PRDM16: variants seen among roughly 807,000 people sequenced by gnomAD.
PRDM16 encodes histone-lysine N-methyltransferase PRDM16.
Under a neutral mutation model 110.6 loss-of-function variants are expected in PRDM16, and 23 were observed. That is an observed-to-expected ratio of 0.21 (90% CI 0.15 to 0.29). PRDM16 has a LOEUF of 0.29. PRDM16 is among the 10% of genes least tolerant of loss of function. PRDM16 has a pLI of 1.00. For synonymous variants in PRDM16, 799 were observed against 781.8 expected (o/e 1.02, Z -0.37); for missense variants, 1,615 against 1,794.3 (o/e 0.90, Z 1.81).
At chr1:3,173,137 C>G (rs1209159175) in intron 1 of PRDM16, among the ~76,000 whole-genome samples, 1 of 152,148 alleles carries the variant, frequency 6.6e-6, no homozygotes, top group South Asian at 2.1e-4. Context: ...CAGGGAGCCT[C>G]GGCTGTGATT....
rs952417767 is a variant in PRDM16, at chr1:3,190,833, T to A, written c.387+4359T>A. Among the ~76,000 whole-genome samples the A allele has an allele frequency of 1.3e-5, 2 of 152,240 alleles. No individual in the cohort carries two copies. The highest frequency in any genetic ancestry group is 2.9e-5 in the Non-Finnish European group (2 of 68,036). ...GTTGAGTAAATCATGACATTTATCA[T>A]CATGCTGTTTATTTTGCTAATTAAG... is the stretch of plus-strand genomic sequence containing the variant. On this transcript the variant is annotated intron_variant, in intron 2 of 16. Coordinates refer to ENST00000270722, the MANE Select transcript of PRDM16 (RefSeq NM_022114.4). The surrounding 1 kb of genome is among the most constrained non-coding windows in gnomAD (Gnocchi z 5.0).
intron 1 of PRDM16, among the ~76,000 whole-genome samples, chr1:3,135,210 C>G (rs1488470303): frequency 6.6e-6 from 1 of 152,182 alleles, no homozygotes; most frequent in Non-Finnish European, 1.5e-5. Context: ...CCAGTCGGCC[C>G]CAGGCTCCGC....
At chr1:3,191,977 C>CA (rs1478172209) in intron 2 of PRDM16, among the ~76,000 whole-genome samples, 1 of 152,198 alleles carries the variant, frequency 6.6e-6, no homozygotes, top group African/African-American at 2.4e-5. Context: ...GCAGGAGGGG[C>CA]AATGGCAAAT....
In PRDM16 at chr1:3,435,888, G is replaced by A. The variant is rs1394232884; in HGVS notation, c.*2077G>A. On this transcript the variant is annotated 3_prime_UTR_variant, in exon 17 of 17. Coordinates refer to ENST00000270722, the MANE Select transcript of PRDM16 (RefSeq NM_022114.4). ...TCCTCCCACGCCAGATCTGCACAACGAGGCAAGACAGGACCCACCTGTGCG... is the reference window on the plus strand; with the variant it reads ...TCCTCCCACGCCAGATCTGCACAACAAGGCAAGACAGGACCCACCTGTGCG... 4 of 231,948 alleles carry A rather than the reference G, an allele frequency of 1.7e-5. No individual in the cohort carries two copies. Among genetic ancestry groups the A allele is most frequent in the East Asian group, 6.1e-5 (1 of 16,476 alleles). The allele number at this position is 231,948 out of a possible 1,614,324, so 14.4% of individuals were successfully genotyped here. A position where few individuals can be genotyped will look rare whatever the true frequency, so the allele number is the denominator to read the frequency against.
intron 1 of PRDM16, among the ~76,000 whole-genome samples, chr1:3,135,425 T>C (rs891097795): frequency 6.6e-6 from 1 of 152,188 alleles, no homozygotes; most frequent in Non-Finnish European, 1.5e-5. Flanking sequence ...TTATCTGAGT[T>C]AAACAATGAG....
At chr1:3,286,642 G>A (rs964836005) in intron 3 of PRDM16, among the ~76,000 whole-genome samples, 1 of 151,798 alleles carries the variant, frequency 6.6e-6, no homozygotes, top group Non-Finnish European at 1.5e-5. Flanking sequence ...TGAGGGCCTG[G>A]GGGTTCAGCC....
At chr1:3,283,639 C>T (rs1055821696) in intron 3 of PRDM16, among the ~76,000 whole-genome samples, 1 of 152,094 alleles carries the variant, frequency 6.6e-6, no homozygotes. Context: ...GGGGACCAGA[C>T]CTCAAGGTCA....
At chr1:3,083,546 C>T (rs901903222) in intron 1 of PRDM16, among the ~76,000 whole-genome samples, 1 of 150,182 alleles carries the variant, frequency 6.7e-6, no homozygotes, top group South Asian at 2.2e-4. Flanking sequence ...ATGTCACCAG[C>T]CTGCTGCGGA....
intron 2 of PRDM16, among the ~76,000 whole-genome samples, chr1:3,228,580 T>G (rs983022268): frequency 6.6e-6 from 1 of 152,186 alleles, no homozygotes; most frequent in Non-Finnish European, 1.5e-5. Flanking sequence ...GAGGGCTGTA[T>G]AGTCTCCCTG....
intron 12 of PRDM16, among the ~76,000 whole-genome samples, chr1:3,422,507 G>A (rs2483231): frequency 1.6e-4 from 25 of 152,244 alleles, no homozygotes; most frequent in Non-Finnish European, 2.4e-4. Context: ...CTTTGCATCC[G>A]GGCTGGAGAC....
intron 3 of PRDM16, among the ~76,000 whole-genome samples, chr1:3,270,822 G>A (rs1640434921): frequency 4.0e-5 from 6 of 151,796 alleles, no homozygotes; most frequent in Admixed American, 3.9e-4. Context: ...TCCCAGGGGA[G>A]GAAAGTCGGG....
chr1:3,181,379 T>TACGGTCTTACACATGGTCTTAC (rs1452752029), intron 1 of PRDM16, among the ~76,000 whole-genome samples: 1 of 18,804 alleles, frequency 5.3e-5, no homozygotes. Flanking sequence ...CACGCAGTCT[T>TACGGTCTTACACATGGTCTTAC]ACACACGGCC....
At chr1:3,260,124 CT>C (rs946955139) in intron 3 of PRDM16, among the ~76,000 whole-genome samples, 15 of 152,218 alleles carry the variant, frequency 9.9e-5, no homozygotes, top group Non-Finnish European at 2.1e-4. Flanking sequence ...AAACTCTTTG[CT>C]TTTCAAACAG....
At chr1:3,180,494 T>C (rs1386131459) in intron 1 of PRDM16, among the ~76,000 whole-genome samples, 1 of 152,168 alleles carries the variant, frequency 6.6e-6, no homozygotes, top group African/African-American at 2.4e-5. Context: ...GGACCACATC[T>C]TGGCCCCATA....
intron 1 of PRDM16, among the ~76,000 whole-genome samples, chr1:3,079,995 G>A (rs1449535835): frequency 6.6e-6 from 1 of 152,202 alleles, no homozygotes; most frequent in Non-Finnish European, 1.5e-5. Flanking sequence ...GTGCCCACCC[G>A]GCCCAAAGCT....
chr1:3,405,354 C>T, intron 7 of PRDM16, 141 bp from the exon 8 acceptor site: 1 of 950,202 alleles, frequency 1.1e-6, no homozygotes, highest in Non-Finnish European at 1.5e-6. Flanking sequence ...GAGACCTGTC[C>T]CGGCCTGCTT....
At position 3,131,138 on chromosome 1, in the gene PRDM16, TG is replaced by T. The variant is rs1474684833; in HGVS notation, c.38-54985del. ...CGAGCTGTGCCGCAGCCACAGTTTT[TG>T]GTTGTTTTCGTTTTTTTCATCATCC... On this transcript the variant is annotated intron_variant, in intron 1 of 16. Transcript: ENST00000270722. Among the ~76,000 whole-genome samples the T allele has an allele frequency of 2.5e-4, 38 of 152,192 alleles. 1 individual carries two copies. Among genetic ancestry groups the T allele is most frequent in the Non-Finnish European group, 7.3e-5 (5 of 68,042 alleles).
At chr1:3,235,110 G>A (rs549922624) in intron 2 of PRDM16, among the ~76,000 whole-genome samples, 54 of 152,240 alleles carry the variant, frequency 3.5e-4, no homozygotes, top group Non-Finnish European at 7.1e-4. Flanking sequence ...GTCCCAGCCA[G>A]AGCCCCCTAC....
chr1:3,142,907 T>C (rs1047718489), intron 1 of PRDM16, among the ~76,000 whole-genome samples: 3 of 152,198 alleles, frequency 2.0e-5, no homozygotes, highest in African/African-American at 7.2e-5. Flanking sequence ...GGCCAGACCC[T>C]GAGCTGCCAC....
Sources: allele counts gnomAD v4.1 joint callset (sites outside exome capture counted in the v4.1 genomes callset), GRCh38; gene constraint gnomAD v4.1.1; non-coding constraint Gnocchi (gnomAD v3.1); transcripts MANE v1.5; gene names NCBI Gene and HGNC (gene_info 2026-07-23, HGNC 2026-07-21).